The following TNXB variants were observed in gnomAD, a reference collection of about 807,000 sequenced individuals.
TNXB encodes the protein tenascin XB.
TNXB carries 183 observed loss-of-function variants against 340.5 expected under a neutral mutation model. The observed-to-expected ratio is 0.54, with a 90% confidence interval of 0.48 to 0.61. The LOEUF (loss-of-function observed/expected upper bound fraction) is 0.61. Among genes scored for constraint, TNXB ranks in the 20% least tolerant of loss-of-function variants. The pLI is 0.00. For synonymous variants in TNXB, 2,121 were observed against 2,314.5 expected, an observed-to-expected ratio of 0.92 and a Z score of 2.40; for missense variants, 4,613 against 5,446.4, an observed-to-expected ratio of 0.85 and a Z score of 4.82.
intron 1 of TNXB, among the ~76,000 whole-genome samples, chr6:32,101,482 G>A (rs1025027333): frequency 1.3e-5 from 2 of 151,882 alleles, no homozygotes; most frequent in African/African-American, 4.8e-5. Flanking sequence ...GTAGAGATGA[G>A]GTTTCACCGT....
At chr6:32,050,851 A>T (rs1292472759) in intron 26 of TNXB, among the ~76,000 whole-genome samples, 1 of 152,010 alleles carries the variant, frequency 6.6e-6, no homozygotes, top group Admixed American at 6.6e-5. Context: ...CAGGGCCACC[A>T]ACTGCCTATT....
Position 32,064,567 on chromosome 6 carries a change from C to T in TNXB, c.6841+254G>A, listed in dbSNP as rs945810752. On this transcript the variant is annotated intron_variant, in intron 19 of 43. Coordinates refer to ENST00000644971, the MANE Select transcript of TNXB (RefSeq NM_001365276.2). This position sits in a 1 kb window ranked among gnomAD's most constrained non-coding sequence, Gnocchi z 5.3. ...AGCTCAAATGGGCTGAAGCTATGGT[C>T]AACCCCAGGTGTGCCTCAGTCTGTG... Among the ~76,000 whole-genome samples the T allele has an allele frequency of 6.6e-6, 1 of 152,138 alleles. No homozygotes were observed. The highest frequency in any genetic ancestry group is 2.4e-5 in the African/African-American group (1 of 41,434).
chr6:32,070,539 C>T lies in TNXB; in HGVS notation c.4991-125G>A. The T allele has an allele frequency of 9.6e-7, 1 of 1,037,730 alleles. No homozygotes were observed. The highest frequency in any genetic ancestry group is 1.9e-5 in the South Asian group (1 of 53,174). 64.3% of individuals were successfully genotyped at this position (1,037,730 alleles called of 1,614,324 possible). A position where few individuals can be genotyped will look rare whatever the true frequency, so the allele number is the denominator to read the frequency against. On this transcript the variant is annotated intron_variant, in intron 13 of 43. Coordinates refer to ENST00000644971, the MANE Select transcript of TNXB (RefSeq NM_001365276.2). This position sits in a 1 kb window ranked among gnomAD's most constrained non-coding sequence, Gnocchi z 6.0. ...CTTCCCCAAAATATTTCCATCACCTCCCATCCTCACCACCATCTCCGTCTG... is the reference window on the plus strand; with the variant it reads ...CTTCCCCAAAATATTTCCATCACCTTCCATCCTCACCACCATCTCCGTCTG...
rs1019140114 is a variant in TNXB at position 32,069,463 on chromosome 6, A to C, written c.5587+90T>G. The stretch of plus-strand genomic sequence containing the variant: ...TTTCTGGATCAATGGAAATGATATA[A>C]AATGGGAAGCTCAGAGATCTTATGG... On this transcript the variant is annotated intron_variant, in intron 15 of 43. Transcript: ENST00000644971. The surrounding 1 kb of genome is among the most constrained non-coding windows in gnomAD (Gnocchi z 6.2). 8.5e-6 allele frequency: 12 copies of C among 1,408,722 alleles called. No individual in the cohort carries two copies. The African/African-American group carries it at 1.6e-4, about 19-fold the overall frequency. The allele number at this position is 1,408,722 out of a possible 1,614,324, so 87.3% of individuals were successfully genotyped here. A position where few individuals can be genotyped will look rare whatever the true frequency, so the allele number is the denominator to read the frequency against.
rs1778718594 is a variant in TNXB, at chr6:32,070,636, T to G, written c.4991-222A>C. ...CTGAGTCACCTCCAGGAAAAGAGAT[T>G]CCCTAGCTCCCTGCCTCATCTTACT... is the stretch of plus-strand genomic sequence containing the variant. On this transcript the variant is annotated intron_variant, in intron 13 of 43. Coordinates refer to ENST00000644971, the MANE Select transcript of TNXB (RefSeq NM_001365276.2). The surrounding 1 kb of genome is among the most constrained non-coding windows in gnomAD (Gnocchi z 6.0). 6.6e-6 allele frequency among the ~76,000 whole-genome samples: 1 copy of G among 152,114 alleles called. No homozygotes were observed. The highest frequency in any genetic ancestry group is 6.6e-5 in the Admixed American group (1 of 15,266).
At position 32,046,145 on chromosome 6, in the gene TNXB, G is replaced by C; in HGVS notation, c.10606+30C>G. 1.3e-6 allele frequency: 2 copies of C among 1,565,900 alleles called. No homozygotes were observed. Among genetic ancestry groups the C allele is most frequent in the Non-Finnish European group, 1.7e-6 (2 of 1,150,714 alleles). On this transcript the variant is annotated intron_variant, in intron 31 of 43. Transcript: ENST00000644971. This position sits in a 1 kb window ranked among gnomAD's most constrained non-coding sequence, Gnocchi z 6.9. Reference sequence around the variant, plus strand: ...TGCACAAGGAAACCCACACAAGCTGGCTTGCTATAGCCAGGCACAGCAGCC... The same window carrying C: ...TGCACAAGGAAACCCACACAAGCTGCCTTGCTATAGCCAGGCACAGCAGCC...
chr6:32,073,221 C>T lies in TNXB; in HGVS notation c.4681+426G>A, dbSNP rs1778879639. 6.6e-6 allele frequency among the ~76,000 whole-genome samples: 1 copy of T among 152,210 alleles called. No homozygotes were observed. The highest frequency in any genetic ancestry group is 2.1e-4 in the South Asian group (1 of 4,828). ...TGCAGTGCAGGCAGGTGGCAGAGGACTCCTGAGAAGGGACTCAGGATGTAA... is the reference window on the plus strand; with the variant it reads ...TGCAGTGCAGGCAGGTGGCAGAGGATTCCTGAGAAGGGACTCAGGATGTAA... On this transcript the variant is annotated intron_variant, in intron 12 of 43. Transcript: ENST00000644971. This position sits in a 1 kb window ranked among gnomAD's most constrained non-coding sequence, Gnocchi z 4.6.
chr6:32,096,557 C>T lies in TNXB; in HGVS notation c.1296G>A (p.Ser432=). 6.5e-7 allele frequency: 1 copy of T among 1,527,908 alleles called. No individual in the cohort carries two copies. The highest frequency in any genetic ancestry group is 8.7e-7 in the Non-Finnish European group (1 of 1,145,424). The allele number at this position is 1,527,908 out of a possible 1,614,324, so 94.6% of individuals were successfully genotyped here. A position where few individuals can be genotyped will look rare whatever the true frequency, so the allele number is the denominator to read the frequency against. The part of the protein sequence containing the change: ...WPGYTGTDCG[S]RACPRDCRGR... ...CTCTACAGTCGCGTGGGCAGGCGCG[C>T]GAGCCGCAATCGGTTCCAGTGTACC... The change falls in exon 3 of 44, where the codon TCG becomes TCA. Residue 432 remains serine, a synonymous_variant. Transcript: ENST00000644971.
Position 32,073,215 on chromosome 6 carries a change from A to T in TNXB, c.4681+432T>A, listed in dbSNP as rs1016266989. 2.6e-5 allele frequency among the ~76,000 whole-genome samples: 4 copies of T among 152,138 alleles called. No individual in the cohort carries two copies. The highest frequency in any genetic ancestry group is 4.4e-5 in the Non-Finnish European group (3 of 68,018). On this transcript the variant is annotated intron_variant, in intron 12 of 43. Coordinates refer to ENST00000644971, the MANE Select transcript of TNXB (RefSeq NM_001365276.2). The surrounding 1 kb of genome is among the most constrained non-coding windows in gnomAD (Gnocchi z 4.6). ...ATGGAATGCAGTGCAGGCAGGTGGC[A>T]GAGGACTCCTGAGAAGGGACTCAGG...
intron 40 of TNXB, 28 bp downstream of exon 40, chr6:32,042,427 G>C: frequency 6.2e-7 from 1 of 1,609,084 alleles, no homozygotes; most frequent in Non-Finnish European, 8.5e-7. Flanking sequence ...GCCCTGCACA[G>C]ACCCCTGGGC....
Position 32,087,532 on chromosome 6 carries a change from C to G in TNXB, c.2779+1253G>C, listed in dbSNP as rs1165048145. The G allele has an allele frequency of 6.5e-6, 3 of 460,388 alleles. No homozygotes were observed. The East Asian group carries it at 2.0e-4, about 31-fold the overall frequency. 28.5% of individuals were successfully genotyped at this position (460,388 alleles called of 1,614,324 possible). On this transcript the variant is annotated intron_variant, in intron 6 of 43. Coordinates refer to ENST00000644971, the MANE Select transcript of TNXB (RefSeq NM_001365276.2). The surrounding 1 kb of genome is among the most constrained non-coding windows in gnomAD (Gnocchi z 9.0). ...CTTGGGGTGGCGGGACGCAGCCACC[C>G]GGTCGACGCCTTCAGGCGAGAGGCC...
At chr6:32,106,908 G>A (rs1000427938) in intron 1 of TNXB, among the ~76,000 whole-genome samples, 12 of 152,222 alleles carry the variant, frequency 7.9e-5, no homozygotes, top group African/African-American at 2.7e-4. Context: ...TCATCCACAA[G>A]TACAAACATA....
rs762679664 is a variant in TNXB at position 32,096,917 on chromosome 6, A to C, written c.936T>G (p.Pro312=). ...TGEDCGVRSC[P]RGCSQRGRCK... ...AGCGTCCCCGCTGGCTGCAGCCCCG[A>C]GGGCAGCTCCTCACCCCACAGTCCT... Residue 312 remains proline, a synonymous_variant, in exon 3 of 44, where the codon CCT becomes CCG. Coordinates refer to ENST00000644971, the MANE Select transcript of TNXB (RefSeq NM_001365276.2). 4 of 1,575,524 alleles carry C rather than the reference A, an allele frequency of 2.5e-6. No individual in the cohort carries two copies. The highest frequency in any genetic ancestry group is 2.6e-6 in the Non-Finnish European group (3 of 1,149,522).
Position 32,065,001 on chromosome 6 carries a change from A to G in TNXB, c.6661T>C (p.Phe2221Leu), listed in dbSNP as rs1187718696. Residue 2221 changes from phenylalanine to leucine, a missense_variant, in exon 19 of 44, where the codon TTT (phenylalanine) becomes CTT (leucine). By Grantham distance (22) the Phe-to-Leu change is conservative. This residue lies in a region of TNXB where 4,327 missense variants were observed against 4,859.4 expected (regional missense o/e 0.89). Coordinates refer to ENST00000644971, the MANE Select transcript of TNXB (RefSeq NM_001365276.2). ...TTAAACTGGACCAAGAAATGGTCAA[A>G]CTGGCCCTCGGGGACTGTCCAGGAG... The part of the protein sequence containing the change: ...SLSWTVPEGQ[F>L]DHFLVQFKNG... 1.2e-6 allele frequency: 2 copies of G among 1,612,166 alleles called. No homozygotes were observed. Among genetic ancestry groups the G allele is most frequent in the Non-Finnish European group, 1.7e-6 (2 of 1,179,618 alleles).
At chr6:32,102,703 C>T (rs550411254) in intron 1 of TNXB, among the ~76,000 whole-genome samples, 52 of 152,206 alleles carry the variant, frequency 3.4e-4, no homozygotes, top group Non-Finnish European at 4.6e-4. Flanking sequence ...GGGCGGATCA[C>T]GAGGTCAAGA....
At position 32,087,520 on chromosome 6, in the gene TNXB, G is replaced by T. The variant is rs1779857315; in HGVS notation, c.2779+1265C>A. The T allele has an allele frequency of 2.1e-6, 1 of 473,424 alleles. No homozygotes were observed. The highest frequency in any genetic ancestry group is 2.2e-5 in the Admixed American group (1 of 44,636). 29.3% of individuals were successfully genotyped at this position (473,424 alleles called of 1,614,324 possible). On this transcript the variant is annotated intron_variant, in intron 6 of 43. Transcript: ENST00000644971. This position sits in a 1 kb window ranked among gnomAD's most constrained non-coding sequence, Gnocchi z 9.0. Reference sequence around the variant, plus strand: ...CAGCACCTCTGGCTTGGGGTGGCGGGACGCAGCCACCCGGTCGACGCCTTC... The same window carrying T: ...CAGCACCTCTGGCTTGGGGTGGCGGTACGCAGCCACCCGGTCGACGCCTTC...
intron 11 of TNXB, among the ~76,000 whole-genome samples, chr6:32,078,207 G>A (rs62402712): frequency 3.9e-5 from 6 of 151,990 alleles, no homozygotes; most frequent in Non-Finnish European, 8.8e-5. Flanking sequence ...AGAACTTTGG[G>A]AGGCCGAGGC....
rs191591273 is a variant in TNXB at position 32,081,131 on chromosome 6, T to C, written c.4042+237A>G. ...TCCAGGTGTTTGGAATGGGGGAAAA[T>C]AGGACCTGCCCTTGGAGATGAAGAA... On this transcript the variant is annotated intron_variant, in intron 10 of 43. Coordinates refer to ENST00000644971, the MANE Select transcript of TNXB (RefSeq NM_001365276.2). The surrounding 1 kb of genome is among the most constrained non-coding windows in gnomAD (Gnocchi z 5.1). Among the ~76,000 whole-genome samples the C allele has an allele frequency of 1.3e-5, 2 of 151,884 alleles. No homozygotes were observed. Among genetic ancestry groups the C allele is most frequent in the African/African-American group, 2.4e-5 (1 of 41,390 alleles).
intron 4 of TNXB, chr6:32,093,208 A>G (rs997207386): frequency 2.5e-5 from 15 of 598,402 alleles, no homozygotes; most frequent in African/African-American, 2.2e-4. Context: ...ACAGAGAAGA[A>G]GAGAGTGGGA....
Sources: allele counts gnomAD v4.1 joint callset (sites outside exome capture counted in the v4.1 genomes callset), GRCh38; gene constraint gnomAD v4.1.1; regional missense constraint gnomAD v4.1.1; non-coding constraint Gnocchi (gnomAD v3.1); transcripts MANE v1.5; gene names NCBI Gene and HGNC (gene_info 2026-07-23, HGNC 2026-07-21).